Variants in TMEM71 observed in about 807,000 individuals in gnomAD.
TMEM71 encodes the protein transmembrane protein 71.
In TMEM71, 44 loss-of-function variants were observed where a neutral mutation model predicts 38.0. The ratio of observed to expected loss-of-function variants is 1.16; its 90% CI spans 0.91 to 1.49. The LOEUF (loss-of-function observed/expected upper bound fraction) is 1.49, where lower values mean the gene tolerates loss of function less well. TMEM71 is among the 40% of genes most tolerant of loss of function. TMEM71 has a pLI of 0.00. For missense variants in TMEM71, 367 were observed against 348.6 expected (o/e 1.05, Z -0.42); for synonymous variants, 133 against 122.5 (o/e 1.09, Z -0.56).
upstream of TMEM71, among the ~76,000 whole-genome samples, chr8:132,763,697 T>C (rs1216195173): frequency 6.6e-6 from 1 of 152,190 alleles, no homozygotes; most frequent in Non-Finnish European, 1.5e-5. Flanking sequence ...TCACATAATA[T>C]CTCCCAAGAC....
intron 5 of TMEM71, among the ~76,000 whole-genome samples, chr8:132,732,366 A>G (rs1827506529): frequency 6.6e-6 from 1 of 152,084 alleles, no homozygotes; most frequent in Admixed American, 6.5e-5. Flanking sequence ...GTAAGTGGGG[A>G]TGGGGAGAAA....
At chr8:132,735,836 A>C (rs1827718094) in intron 5 of TMEM71, among the ~76,000 whole-genome samples, 1 of 152,224 alleles carries the variant, frequency 6.6e-6, no homozygotes, top group African/African-American at 2.4e-5. Flanking sequence ...GCTTGCTCTC[A>C]GCCATTTAAT....
upstream of TMEM71, among the ~76,000 whole-genome samples, chr8:132,761,207 A>C (rs1251427100): frequency 6.6e-6 from 1 of 152,220 alleles, no homozygotes; most frequent in Non-Finnish European, 1.5e-5. Flanking sequence ...TTCCAGCAAC[A>C]TTGAGGTACC....
At chr8:132,773,069 A>G in the TMEM71 span, among the ~76,000 whole-genome samples, 585 of 152,358 alleles carry the variant, frequency 3.8e-3, 20 homozygotes, top group East Asian at 0.091. Flanking sequence ...GGCAGGGACA[A>G]TTATAAACAG....
At chr8:132,732,849 C>A (rs1303449272) in intron 5 of TMEM71, among the ~76,000 whole-genome samples, 1 of 152,112 alleles carries the variant, frequency 6.6e-6, no homozygotes, top group Non-Finnish European at 1.5e-5. Flanking sequence ...GCCAGGGATG[C>A]TATTAAACAC....
intron 5 of TMEM71, among the ~76,000 whole-genome samples, chr8:132,732,566 TCATTA>T (rs1827517707): frequency 1.3e-5 from 2 of 152,024 alleles, no homozygotes; most frequent in South Asian, 4.2e-4. Flanking sequence ...TGATTTAGAG[TCATTA>T]AAAAAATCTG....
In TMEM71 at chr8:132,727,997, A is replaced by G; in HGVS notation, c.488-11T>C. The G allele has an allele frequency of 1.3e-6, 2 of 1,590,774 alleles. No individual in the cohort carries two copies. The highest frequency in any genetic ancestry group is 2.3e-5 in the East Asian group (1 of 44,262). On this transcript the variant is annotated splice_polypyrimidine_tract_variant and intron_variant, in intron 5 of 9. Transcript: ENST00000677595. ...AGTCTAAATCATCTGCTGAAAAAGCAGAGGGGTTCAGTGTGAGTGTGTGTG... is the reference window on the plus strand; with the variant it reads ...AGTCTAAATCATCTGCTGAAAAAGCGGAGGGGTTCAGTGTGAGTGTGTGTG...
At chr8:132,773,166 G>T in the TMEM71 span, among the ~76,000 whole-genome samples, 1 of 152,176 alleles carries the variant, frequency 6.6e-6, no homozygotes, top group Non-Finnish European at 1.5e-5. Flanking sequence ...ACTGCACTGT[G>T]CATTTCAGGA....
At chr8:132,730,375 C>T (rs934286587) in intron 5 of TMEM71, among the ~76,000 whole-genome samples, 61 of 152,212 alleles carry the variant, frequency 4.0e-4, no homozygotes, top group African/African-American at 1.4e-3. Flanking sequence ...AACACACTCT[C>T]AGCCCAAGCT....
intron 3 of TMEM71, among the ~76,000 whole-genome samples, chr8:132,752,249 C>T (rs1051280236): frequency 1.3e-5 from 2 of 152,186 alleles, no homozygotes; most frequent in Non-Finnish European, 2.9e-5. Context: ...TAATCACTTT[C>T]CTCACCATAT....
chr8:132,740,267 T>A (rs1478167550), intron 5 of TMEM71, among the ~76,000 whole-genome samples: 1 of 152,176 alleles, frequency 6.6e-6, no homozygotes, highest in Non-Finnish European at 1.5e-5. Flanking sequence ...TTGCCTGGAT[T>A]GTTCCTCCCC....
chr8:132,747,982 T>C (rs943214495), intron 4 of TMEM71, among the ~76,000 whole-genome samples: 4 of 152,290 alleles, frequency 2.6e-5, no homozygotes, highest in Middle Eastern at 3.4e-3. Context: ...AGGTACAAGA[T>C]TGAGGTCAGA....
In TMEM71 at chr8:132,746,956, T is replaced by C. The variant is rs772576974; in HGVS notation, c.473A>G (p.His158Arg). Residue 158 changes from histidine (H) to arginine (R), a missense_variant, in exon 5 of 10, where the codon CAT becomes CGT. Transcript: ENST00000677595. ...LKGTRRLDTD[H>R]CNGNADDLDC... is the part of the protein sequence containing the mutation. Reference sequence around the variant, plus strand: ...CTCAAACTCACCATTTCCATTGCAATGGTCTGTGTCCAACCTCCTGGTCCC... The same window carrying C: ...CTCAAACTCACCATTTCCATTGCAACGGTCTGTGTCCAACCTCCTGGTCCC... 1.9e-5 allele frequency: 30 copies of C among 1,597,460 alleles called. No individual in the cohort carries two copies. The highest frequency in any genetic ancestry group is 2.5e-5 in the Non-Finnish European group (29 of 1,174,816).
chr8:132,712,838 CT>C (rs200372290), intron 9 of TMEM71, among the ~76,000 whole-genome samples: 32 of 149,460 alleles, frequency 2.1e-4, no homozygotes, highest in African/African-American at 7.7e-4. Context: ...TTTCTTTTTT[CT>C]TTTTTCTTTT....
At chr8:132,767,110 A>G in the TMEM71 span, among the ~76,000 whole-genome samples, 1 of 152,168 alleles carries the variant, frequency 6.6e-6, no homozygotes, top group African/African-American at 2.4e-5. Context: ...ATGTTCCTTG[A>G]TAGAGCTCTA....
chr8:132,740,959 G>A (rs1196972058), intron 5 of TMEM71, among the ~76,000 whole-genome samples: 2 of 152,194 alleles, frequency 1.3e-5, no homozygotes, highest in Admixed American at 6.5e-5. Flanking sequence ...TGATGACAAC[G>A]CCACATTTAT....
intron 5 of TMEM71, among the ~76,000 whole-genome samples, chr8:132,740,635 A>G (rs1586797624): frequency 1.3e-5 from 2 of 152,364 alleles, no homozygotes; most frequent in African/African-American, 4.8e-5. Context: ...GATGTGTGGA[A>G]GAGCAGGATC....
chr8:132,762,709 C>T (rs564381598), upstream of TMEM71, among the ~76,000 whole-genome samples: 1 of 152,232 alleles, frequency 6.6e-6, no homozygotes, highest in South Asian at 2.1e-4. Flanking sequence ...ATAGCCAGTA[C>T]GTGATGAGTA....
intron 3 of TMEM71, among the ~76,000 whole-genome samples, chr8:132,752,643 A>G (rs187643517): frequency 6.6e-6 from 1 of 152,220 alleles, no homozygotes; most frequent in East Asian, 1.9e-4. Context: ...CTAAGGCAGG[A>G]GGATCCCTTT....
Sources: gnomAD v4.1 joint callset for allele counts (sites outside exome capture counted in the v4.1 genomes callset) on GRCh38, gnomAD v4.1.1 for gene constraint, MANE v1.5 for transcripts, NCBI Gene and HGNC (gene_info 2026-07-23, HGNC 2026-07-21) for gene names.